Variants in TJP2 observed in about 807,000 individuals in gnomAD.
TJP2 encodes the protein tight junction protein 2, also known as Friedreich ataxia region gene X104 (tight junction protein ZO-2).
A neutral mutation model predicts 133.1 loss-of-function variants in TJP2; 91 were observed. The observed-to-expected ratio is 0.68, with a 90% confidence interval of 0.58 to 0.81. The LOEUF (loss-of-function observed/expected upper bound fraction) is 0.81, where lower values mean the gene tolerates loss of function less well. TJP2 is among the 40% of genes least tolerant of loss of function. TJP2 has a pLI of 0.00. For synonymous variants in TJP2, 592 were observed against 583.4 expected (o/e 1.01, Z -0.21); for missense variants, 1,541 against 1,565.6 (o/e 0.98, Z 0.26).
At chr9:69,135,469 C>T (rs1822689629) in intron 1 of TJP2, among the ~76,000 whole-genome samples, 1 of 152,130 alleles carries the variant, frequency 6.6e-6, no homozygotes, top group South Asian at 2.1e-4. Flanking sequence ...GAGGCAGAGT[C>T]TCGCTCTGTC....
chr9:69,238,538 C>T (rs150057932), intron 15 of TJP2, among the ~76,000 whole-genome samples, 172 bp from the exon 16 acceptor site: 6 of 152,240 alleles, frequency 3.9e-5, no homozygotes, highest in South Asian at 2.1e-4. Flanking sequence ...CTGGCCTAAC[C>T]GTTTCTTCAT....
At chr9:69,206,472 A>G (rs4329331) in intron 1 of TJP2, among the ~76,000 whole-genome samples, 57,713 of 151,954 alleles carry the variant, frequency 0.38, 11,226 homozygotes, top group South Asian at 0.44. Context: ...TTGCTGTTAA[A>G]TATACTCGTA....
chr9:69,185,063 C>CTTT (rs10699607), intron 1 of TJP2, among the ~76,000 whole-genome samples: 3,312 of 132,466 alleles, frequency 0.025, 120 homozygotes, highest in African/African-American at 0.07. Context: ...AGACTGATTT[C>CTTT]TTTTTTTTTT....
rs754221310 is a variant in TJP2, at chr9:69,203,607, A to ATTTTTTTTTTTTTTT, written c.61-8931_61-8917dup. Among the ~76,000 whole-genome samples, 7 of 67,840 alleles carry ATTTTTTTTTTTTTTT rather than the reference A, an allele frequency of 1.0e-4. 1 individual carries two copies. The highest frequency in any genetic ancestry group is 2.5e-4 in the Admixed American group (1 of 4,006). The allele number at this position is 67,840 out of a possible 152,430, so 44.5% of individuals were successfully genotyped here. On this transcript the variant is annotated intron_variant, in intron 1 of 22. Coordinates refer to ENST00000377245, the MANE Select transcript of TJP2 (RefSeq NM_004817.4). Reference sequence around the variant, plus strand: ...GCATGAGCCACGGTGCCCAGCCTGGATTTTTTTTTTTTTTTTTTTTTTTTG... The same window carrying ATTTTTTTTTTTTTTT: ...GCATGAGCCACGGTGCCCAGCCTGGATTTTTTTTTTTTTTTTTTTTTTTTTTTTTTTTTTTTTTTG...
chr9:69,212,290 C>A (rs1827978374), intron 1 of TJP2, among the ~76,000 whole-genome samples: 1 of 152,204 alleles, frequency 6.6e-6, no homozygotes, highest in Non-Finnish European at 1.5e-5. Context: ...TAAAAGGACT[C>A]AGCACTTAAC....
chr9:69,229,992 A>G, intron 10 of TJP2, 90 bp from the exon 11 acceptor site: 4 of 1,501,458 alleles, frequency 2.7e-6, no homozygotes, highest in Middle Eastern at 2.2e-4. Context: ...CTCTGTAGCT[A>G]GAAGAAATTA....
intron 6 of TJP2, 70 bp from the exon 7 acceptor site, chr9:69,225,952 G>A: frequency 6.5e-7 from 1 of 1,544,986 alleles, no homozygotes; most frequent in Admixed American, 1.7e-5. Flanking sequence ...ATTTTTAGAA[G>A]GGGAAAATAT....
At chr9:69,210,052 T>C (rs1197539190) in intron 1 of TJP2, among the ~76,000 whole-genome samples, 3 of 152,018 alleles carry the variant, frequency 2.0e-5, no homozygotes, top group Non-Finnish European at 4.4e-5. Context: ...TTTGGGAGGC[T>C]AAGGCAGGCG....
At position 69,203,736 on chromosome 9, in the gene TJP2, C is replaced by G. The variant is rs946381164; in HGVS notation, c.61-8812C>G. Among the ~76,000 whole-genome samples, 3 of 150,104 alleles carry G rather than the reference C, an allele frequency of 2.0e-5. No individual in the cohort carries two copies. In the South Asian group the frequency reaches 6.4e-4, roughly 32 times the overall value. Reference sequence around the variant, plus strand: ...TCAGGTGATCCTCCTACCTCAGCCTCCCAAGTATCTGGGACTACAGGTGTG... The same window carrying G: ...TCAGGTGATCCTCCTACCTCAGCCTGCCAAGTATCTGGGACTACAGGTGTG... On this transcript the variant is annotated intron_variant, in intron 1 of 22. Coordinates refer to ENST00000377245, the MANE Select transcript of TJP2 (RefSeq NM_004817.4).
At chr9:69,129,735 G>A (rs1487001675) in intron 1 of TJP2, among the ~76,000 whole-genome samples, 3 of 152,176 alleles carry the variant, frequency 2.0e-5, no homozygotes, top group East Asian at 1.9e-4. Context: ...TCAGGAGTTC[G>A]AGACCAAAGC....
intron 1 of TJP2, among the ~76,000 whole-genome samples, chr9:69,128,524 ATT>A (rs149373683): frequency 0.56 from 66,830 of 119,076 alleles, 18,197 homozygotes; most frequent in Middle Eastern, 0.65. Context: ...TTATTAGACC[ATT>A]TTTTTTTTTT....
chr9:69,177,681 G>A (rs1825199480), intron 1 of TJP2, among the ~76,000 whole-genome samples: 1 of 151,360 alleles, frequency 6.6e-6, no homozygotes, highest in Non-Finnish European at 1.5e-5. Context: ...GTCTTGCTCT[G>A]TTGCCCAGGC....
upstream of TJP2, among the ~76,000 whole-genome samples, chr9:69,172,259 CA>C (rs1474001285): frequency 6.6e-6 from 1 of 152,214 alleles, no homozygotes; most frequent in African/African-American, 2.4e-5. Context: ...TTCTAACAAC[CA>C]TTTACTGAAT....
rs375994824 is a variant in TJP2, at chr9:69,251,278, C to T, written c.3235C>T (p.Leu1079=). 84 of 1,614,164 alleles carry T rather than the reference C, an allele frequency of 5.2e-5. No homozygotes were observed. The highest frequency in any genetic ancestry group is 5.9e-5 in the Non-Finnish European group (70 of 1,180,036). The change falls in exon 21 of 23, where the codon CTG becomes TTG. Residue 1079 remains leucine (L), a synonymous_variant. Transcript: ENST00000377245. ...EEQDNAPKSV[L]GKVKIFEKMD... ...GCAAGATAATGCTCCCAAATCAGTC[C>T]TGGGCAAAGTCAAAATATTTGAGAA...
intron 2 of TJP2, among the ~76,000 whole-genome samples, chr9:69,158,984 C>A (rs533465148): frequency 3.5e-5 from 5 of 143,574 alleles, no homozygotes; most frequent in Non-Finnish European, 7.4e-5. Context: ...GATTCACCGC[C>A]CCCCCCCCAT....
upstream of TJP2, among the ~76,000 whole-genome samples, chr9:69,172,053 C>T (rs1302238848): frequency 6.6e-6 from 1 of 152,170 alleles, no homozygotes; most frequent in African/African-American, 2.4e-5. Flanking sequence ...CCTCGACCTC[C>T]CAAAGTGCTG....
intron 20 of TJP2, 138 bp downstream of exon 20, chr9:69,249,623 C>T (rs1259753769): frequency 6.5e-7 from 1 of 1,527,692 alleles, no homozygotes; most frequent in African/African-American, 1.4e-5. Flanking sequence ...CTATTAGAGC[C>T]TATCTTTTGG....
rs569533932 is a variant in TJP2 at position 69,205,005 on chromosome 9, C to T, written c.61-7543C>T. 1.6e-4 allele frequency: 212 copies of T among 1,364,484 alleles called. 1 individual carries two copies. In the African/African-American group the frequency reaches 2.8e-3, roughly 18 times the overall value. 84.5% of individuals were successfully genotyped at this position (1,364,484 alleles called of 1,614,324 possible). On this transcript the variant is annotated intron_variant, in intron 1 of 22. Transcript: ENST00000377245. Reference sequence around the variant, plus strand: ...AGTGCTTTTCAAAGCGTTTGGCATCCCTGCCATATGGATGTGTCACTGTGT... The same window carrying T: ...AGTGCTTTTCAAAGCGTTTGGCATCTCTGCCATATGGATGTGTCACTGTGT...
chr9:69,189,594 C>T (rs1402437538), intron 1 of TJP2, among the ~76,000 whole-genome samples: 2 of 150,736 alleles, frequency 1.3e-5, no homozygotes, highest in East Asian at 3.9e-4. Context: ...ATAGGAATAG[C>T]CACTGCAGTC....
Sources: allele counts gnomAD v4.1 joint callset (sites outside exome capture counted in the v4.1 genomes callset), GRCh38; gene constraint gnomAD v4.1.1; transcripts MANE v1.5; gene names NCBI Gene and HGNC (gene_info 2026-07-23, HGNC 2026-07-21).